Variants in JAK1 observed in about 807,000 individuals in gnomAD.
JAK1 encodes the protein Janus kinase 1, also known as tyrosine-protein kinase JAK1.
A neutral mutation model predicts 136.6 loss-of-function variants in JAK1; 16 were observed. The ratio of observed to expected loss-of-function variants is 0.12; its 90% CI spans 0.08 to 0.18. The LOEUF is 0.18. Ranked by LOEUF, JAK1 falls within the 10% of genes least tolerant of loss-of-function variation. JAK1 has a pLI of 1.00. For missense variants in JAK1, 859 were observed against 1,450.1 expected (o/e 0.59, Z 6.62); for synonymous variants, 492 against 519.5 (o/e 0.95, Z 0.72).
intron 1 of JAK1, among the ~76,000 whole-genome samples, chr1:65,065,401 T>C (rs771346291): frequency 5.9e-5 from 9 of 151,842 alleles, no homozygotes; most frequent in Non-Finnish European, 1.3e-4. Context: ...ATCTAATAAA[T>C]GAAAAGACTG....
rs1056184117 is a variant in JAK1, at chr1:64,984,823, A to G, written c.-78+59657T>C. The G allele has an allele frequency of 9.0e-7, 1 of 1,116,700 alleles. No homozygotes were observed. Among genetic ancestry groups the G allele is most frequent in the Admixed American group, 1.9e-5 (1 of 53,052 alleles). 69.2% of individuals were successfully genotyped at this position (1,116,700 alleles called of 1,614,324 possible). ...ATAAAAACGTAGGCTCCTAAATAGT[A>G]AGCAGCAGAAGGGAAAAGCAATCTG... On this transcript the variant is annotated intron_variant, in intron 2 of 25. Coordinates refer to the JAK1 transcript ENST00000671954. The surrounding 1 kb of genome is among the most constrained non-coding windows in gnomAD (Gnocchi z 4.1).
intron 11 of JAK1, 68 bp from the exon 12 acceptor site, chr1:64,850,978 G>A: frequency 9.3e-7 from 1 of 1,076,252 alleles, no homozygotes; most frequent in Non-Finnish European, 1.4e-6. Context: ...GCCAACGTCT[G>A]CTGAGCCGGG....
chr1:65,025,246 G>T (rs1646968546), intron 2 of JAK1, among the ~76,000 whole-genome samples: 1 of 152,142 alleles, frequency 6.6e-6, no homozygotes, highest in Non-Finnish European at 1.5e-5. Context: ...TGATTTAGGG[G>T]GATTCACAGA....
chr1:64,974,767 T>C (rs1164790749), intron 2 of JAK1: 2 of 152,176 alleles, frequency 1.3e-5, no homozygotes, highest in Admixed American at 6.5e-5. Context: ...AGTCAAAGAC[T>C]ATATAGCACA....
chr1:64,876,306 C>G (rs1429417813), intron 4 of JAK1: 1 of 152,230 alleles, frequency 6.6e-6, no homozygotes, highest in Non-Finnish European at 1.5e-5. Context: ...AACAAACTCC[C>G]TCTGGGCAGA....
chr1:64,948,639 C>G (rs1646028339), intron 1 of JAK1, among the ~76,000 whole-genome samples: 1 of 152,220 alleles, frequency 6.6e-6, no homozygotes, highest in South Asian at 2.1e-4. Flanking sequence ...TTGGGCTTCT[C>G]TCTTCATCAT....
At position 64,867,178 on chromosome 1, in the gene JAK1, A is replaced by C. The variant is rs1656758239; in HGVS notation, c.678T>G (p.Asn226Lys). ...GAAGGTTCCTCTGTCTGATGGACTT[A>C]TTCAATGTTTCTGGAATATATCGCT... ...SYKRYIPETL[N>K]KSIRQRNLLT... The change falls in exon 7 of 25, where the codon AAT becomes AAG. Residue 226 changes from asparagine (N) to lysine (K), a missense_variant. Coordinates refer to ENST00000342505, the MANE Select transcript of JAK1 (RefSeq NM_002227.4). 1 of 1,605,092 alleles carries C rather than the reference A, an allele frequency of 6.2e-7. No individual in the cohort carries two copies. Among genetic ancestry groups the C allele is most frequent in the African/African-American group, 1.3e-5 (1 of 74,802 alleles).
chr1:64,871,859 A>G lies in JAK1; in HGVS notation c.483+1511T>C, dbSNP rs940784845. Among the ~76,000 whole-genome samples, 4 of 152,188 alleles carry G rather than the reference A, an allele frequency of 2.6e-5. No homozygotes were observed. In the South Asian group the frequency reaches 6.2e-4, roughly 24 times the overall value. ...CGAGTGTACTCTTGGACCCAGCACA[A>G]TCTGCTTTCCACGTGTAACAAGAAT... On this transcript the variant is annotated intron_variant, in intron 5 of 24. Coordinates refer to ENST00000342505, the MANE Select transcript of JAK1 (RefSeq NM_002227.4).
chr1:64,974,099 T>C (rs1204300636), intron 2 of JAK1: 1 of 152,230 alleles, frequency 6.6e-6, no homozygotes, highest in African/African-American at 2.4e-5. Context: ...CGTTGGTAAC[T>C]CTGTCATAAA....
chr1:64,866,289 C>A (rs961303107), intron 7 of JAK1, among the ~76,000 whole-genome samples: 14 of 152,176 alleles, frequency 9.2e-5, no homozygotes, highest in Non-Finnish European at 2.1e-4. Context: ...AGGATCTGAA[C>A]CCCGTCGACG....
At chr1:65,005,411 G>A (rs1034752703) in intron 2 of JAK1, among the ~76,000 whole-genome samples, 2 of 152,106 alleles carry the variant, frequency 1.3e-5, no homozygotes, top group Non-Finnish European at 2.9e-5. Context: ...AGGGGAAGAT[G>A]ATGAGAGGTT....
At chr1:64,931,039 C>T (rs1009190671) in intron 1 of JAK1, among the ~76,000 whole-genome samples, 1 of 152,042 alleles carries the variant, frequency 6.6e-6, no homozygotes, top group Non-Finnish European at 1.5e-5. Flanking sequence ...AGGAGAAATA[C>T]CTAATGTAGA....
intron 1 of JAK1, among the ~76,000 whole-genome samples, chr1:64,959,160 A>C (rs780174229): frequency 1.3e-5 from 2 of 152,376 alleles, no homozygotes; most frequent in South Asian, 4.1e-4. Flanking sequence ...GCGCTTTTCC[A>C]ATCACGTGGC....
chr1:64,973,454 A>G (rs1269604716), intron 2 of JAK1, among the ~76,000 whole-genome samples: 2 of 151,994 alleles, frequency 1.3e-5, no homozygotes, highest in African/African-American at 2.4e-5. Context: ...ATTATATTTT[A>G]TACAGCTAAA....
intron 1 of JAK1, among the ~76,000 whole-genome samples, chr1:64,902,579 A>AGTGTGTGT (rs1456324925): frequency 3.8e-4 from 9 of 23,852 alleles, no homozygotes; most frequent in Admixed American, 1.5e-3. Flanking sequence ...AGAGAGAGAG[A>AGTGTGTGT]GAGAGTGTGT....
chr1:65,027,904 A>G (rs1293620669), intron 2 of JAK1, among the ~76,000 whole-genome samples: 2 of 152,190 alleles, frequency 1.3e-5, no homozygotes, highest in African/African-American at 4.8e-5. Context: ...CATTCCTTGC[A>G]GCAGGTTCTT....
upstream of JAK1, among the ~76,000 whole-genome samples, chr1:64,969,005 G>A (rs904868157): frequency 5.3e-5 from 8 of 151,478 alleles, no homozygotes; most frequent in Non-Finnish European, 1.0e-4. Flanking sequence ...GACTACTTGG[G>A]AGGCTGATGC....
rs576827096 is a variant in JAK1 at position 64,880,594 on chromosome 1, A to G, written c.206-1446T>C. Among the ~76,000 whole-genome samples, 4 of 152,372 alleles carry G rather than the reference A, an allele frequency of 2.6e-5. No individual in the cohort carries two copies. The South Asian group carries it at 8.3e-4, about 32-fold the overall frequency. On this transcript the variant is annotated intron_variant, in intron 3 of 24. Transcript: ENST00000342505. ...AGATCAAAGACATATCTCTTTATAT[A>G]AAAGTACTGAGTAGTAAAACAATAA...
At chr1:64,928,541 C>T (rs1645622038) in intron 1 of JAK1, among the ~76,000 whole-genome samples, 1 of 152,070 alleles carries the variant, frequency 6.6e-6, no homozygotes, top group Admixed American at 6.5e-5. Context: ...TTCCTGCCCC[C>T]TCCAGGAGTC....
Sources: allele counts gnomAD v4.1 joint callset (sites outside exome capture counted in the v4.1 genomes callset), GRCh38; gene constraint gnomAD v4.1.1; non-coding constraint Gnocchi (gnomAD v3.1); transcripts MANE v1.5; gene names NCBI Gene and HGNC (gene_info 2026-07-23, HGNC 2026-07-21).